Variants in MMP26 observed in about 807,000 individuals in gnomAD.
MMP26 encodes matrix metalloproteinase-26.
A neutral mutation model predicts 31.0 loss-of-function variants in MMP26; 33 were observed. The observed-to-expected ratio is 1.06, with a 90% CI of 0.81 to 1.42. The LOEUF (loss-of-function observed/expected upper bound fraction) is 1.42, where lower values mean the gene tolerates loss of function less well. MMP26 is among the 40% of genes most tolerant of loss of function. The pLI is 0.00. For missense variants in MMP26, 347 were observed against 316.1 expected, an observed-to-expected ratio of 1.10 and a Z score of -0.74; for synonymous variants, 122 against 114.9, an observed-to-expected ratio of 1.06 and a Z score of -0.40.
At chr11:4,897,005 A>G (rs10768350) in intron 2 of MMP26, among the ~76,000 whole-genome samples, 76,409 of 151,906 alleles carry the variant, frequency 0.5, 21,679 homozygotes, top group Middle Eastern at 0.7. Context: ...TGCTAGTAAT[A>G]GTATGGCCAC....
At chr11:4,725,218 C>T (rs1011706171) in intron 1 of MMP26, among the ~76,000 whole-genome samples, 5 of 152,178 alleles carry the variant, frequency 3.3e-5, no homozygotes, top group Non-Finnish European at 5.9e-5. Context: ...AAACCTCCTT[C>T]TTTATAAATT....
At position 4,706,483 on chromosome 11, in the gene MMP26, C is replaced by A. The variant is rs112439418; in HGVS notation, c.-217+1438C>A. 2.9e-3 allele frequency among the ~76,000 whole-genome samples: 426 copies of A among 147,138 alleles called. 7 individuals carry two copies. The highest frequency in any genetic ancestry group is 0.01 in the African/African-American group (406 of 40,008). ...AGGTTCTTTACTTGGCGAGCTGAGG[C>A]AGGAGGATCACTGGAGCCTGGAAGT... is the stretch of plus-strand genomic sequence containing the variant. On this transcript the variant is annotated intron_variant, in intron 1 of 7. Transcript: ENST00000380390.
intron 1 of MMP26, among the ~76,000 whole-genome samples, chr11:4,755,372 C>A (rs1022135231): frequency 6.6e-6 from 1 of 151,858 alleles, no homozygotes; most frequent in African/African-American, 2.4e-5. Context: ...AAAATATCAG[C>A]CCACATTGAA....
At chr11:4,915,230 A>T (rs371535561) in intron 2 of MMP26, 1 of 1,613,894 alleles carries the variant, frequency 6.2e-7, no homozygotes, top group Non-Finnish European at 8.5e-7. Flanking sequence ...CCTGCCAATG[A>T]CTGTGTTGGT....
At chr11:4,809,054 G>A (rs940744262) in intron 2 of MMP26, among the ~76,000 whole-genome samples, 2 of 151,860 alleles carry the variant, frequency 1.3e-5, no homozygotes, top group African/African-American at 4.8e-5. Flanking sequence ...GGAAGCACAG[G>A]TTGTCAGCTT....
chr11:4,802,658 A>G (rs1047423479), intron 2 of MMP26, among the ~76,000 whole-genome samples: 1 of 152,210 alleles, frequency 6.6e-6, no homozygotes, highest in Non-Finnish European at 1.5e-5. Flanking sequence ...AAAATACACT[A>G]AAGTATAAAA....
chr11:4,830,980 A>G lies in MMP26; in HGVS notation c.-145+63639A>G, dbSNP rs146385490. 4.5e-3 allele frequency among the ~76,000 whole-genome samples: 689 copies of G among 152,286 alleles called. 4 individuals are homozygous for G. Among genetic ancestry groups the G allele is most frequent in the Non-Finnish European group, 7.6e-3 (518 of 68,012 alleles). Reference sequence around the variant, plus strand: ...GTACAAATGGCATCTATGTTATGGGATGCATAACAAGGATGCATTGGTCAC... The same window carrying G: ...GTACAAATGGCATCTATGTTATGGGGTGCATAACAAGGATGCATTGGTCAC... On this transcript the variant is annotated intron_variant, in intron 2 of 7. Transcript: ENST00000380390.
intron 2 of MMP26, chr11:4,769,162 G>A (rs1003441418): frequency 1.9e-6 from 3 of 1,613,954 alleles, no homozygotes; most frequent in Non-Finnish European, 1.7e-6. Context: ...GGATGTAGAA[G>A]AAAGCAACTG....
At chr11:4,914,440 A>G (rs1029520171) in intron 2 of MMP26, 2 of 350,446 alleles carry the variant, frequency 5.7e-6, no homozygotes, top group African/African-American at 2.1e-5. Context: ...AGTAGACCCT[A>G]TCTCTTTATG....
chr11:4,867,167 C>G (rs1850246944), intron 2 of MMP26, among the ~76,000 whole-genome samples: 1 of 151,914 alleles, frequency 6.6e-6, no homozygotes, highest in Non-Finnish European at 1.5e-5. Context: ...AAGGAGAAAA[C>G]TTTTACAATC....
At chr11:4,851,131 T>C (rs914865613) in intron 2 of MMP26, among the ~76,000 whole-genome samples, 2 of 152,170 alleles carry the variant, frequency 1.3e-5, no homozygotes, top group African/African-American at 2.4e-5. Context: ...ATTAGAGATA[T>C]AAGCTTGTTT....
chr11:4,966,494 G>A (rs1345024704), intron 2 of MMP26, among the ~76,000 whole-genome samples: 1 of 152,120 alleles, frequency 6.6e-6, no homozygotes, highest in Non-Finnish European at 1.5e-5. Context: ...AACTGATTTA[G>A]CAAGATTCTT....
At chr11:4,796,545 G>A (rs777075422) in intron 2 of MMP26, among the ~76,000 whole-genome samples, 12 of 152,262 alleles carry the variant, frequency 7.9e-5, no homozygotes, top group African/African-American at 1.9e-4. Flanking sequence ...TAAATCTTTC[G>A]TATCAAGTAC....
intron 2 of MMP26, among the ~76,000 whole-genome samples, chr11:4,984,844 G>A (rs1399822823): frequency 6.6e-6 from 1 of 152,130 alleles, no homozygotes; most frequent in East Asian, 1.9e-4. Context: ...CATGCTCTAT[G>A]GGGGTTCTCT....
intron 1 of MMP26, chr11:4,710,375 T>C (rs767380364): frequency 1.8e-5 from 8 of 456,928 alleles, no homozygotes; most frequent in South Asian, 1.2e-4. Flanking sequence ...TTGGAAAGCA[T>C]GCCCCTCCCC....
chr11:4,812,999 G>A (rs1276245105), intron 2 of MMP26, among the ~76,000 whole-genome samples: 4 of 145,246 alleles, frequency 2.8e-5, no homozygotes, highest in African/African-American at 5.6e-5. Flanking sequence ...ATATGTGCGA[G>A]TGTGTGTGTG....
At chr11:4,758,466 G>GAA (rs376347621) in intron 1 of MMP26, among the ~76,000 whole-genome samples, 23 of 93,340 alleles carry the variant, frequency 2.5e-4, no homozygotes, top group South Asian at 1.2e-3. Context: ...CATCCATTTG[G>GAA]AAAAAAAAAA....
At chr11:4,923,598 A>C (rs200468556) in intron 2 of MMP26, 1 of 1,614,164 alleles carries the variant, frequency 6.2e-7, no homozygotes, top group South Asian at 1.1e-5. Context: ...AGTACAGCAC[A>C]GATATGAGAG....
chr11:4,943,963 T>A (rs188527317), intron 2 of MMP26: 1 of 410,710 alleles, frequency 2.4e-6, no homozygotes, highest in East Asian at 7.2e-5. Flanking sequence ...TAATTACTCC[T>A]CATCTTTTTA....
Sources: gnomAD v4.1 joint callset for allele counts (sites outside exome capture counted in the v4.1 genomes callset) on GRCh38, gnomAD v4.1.1 for gene constraint, MANE v1.5 for transcripts, NCBI Gene and HGNC (gene_info 2026-07-23, HGNC 2026-07-21) for gene names.